Variants in PCDHGA9 observed in about 807,000 individuals in gnomAD.
PCDHGA9 encodes the protein protocadherin gamma-A9.
Under a neutral mutation model 62.5 loss-of-function variants are expected in PCDHGA9, and 37 were observed. The ratio of observed to expected loss-of-function variants is 0.59; its 90% CI spans 0.46 to 0.78. PCDHGA9 has a LOEUF of 0.78. PCDHGA9 is among the 30% of genes least tolerant of loss of function. The probability of loss-of-function intolerance (pLI) is 0.00; values close to 1 mark genes in which losing one functional copy is unlikely to be tolerated. For synonymous variants in PCDHGA9, 459 were observed against 484.6 expected, an observed-to-expected ratio of 0.95 and a Z score of 0.69; for missense variants, 1,138 against 1,166.2, an observed-to-expected ratio of 0.98 and a Z score of 0.35.
intron 1 of PCDHGA9, among the ~76,000 whole-genome samples, chr5:141,473,431 G>C (rs541546681): frequency 6.6e-6 from 1 of 152,148 alleles, no homozygotes; most frequent in South Asian, 2.1e-4. Context: ...CAGATACTTT[G>C]CTTATGCAAA....
chr5:141,439,531 G>T (rs1474855779), intron 1 of PCDHGA9, among the ~76,000 whole-genome samples: 1 of 152,126 alleles, frequency 6.6e-6, no homozygotes, highest in Non-Finnish European at 1.5e-5. Context: ...TCTACAGAAC[G>T]CTGTCCTCTC....
At chr5:141,461,291 C>A (rs892436619) in intron 1 of PCDHGA9, among the ~76,000 whole-genome samples, 1 of 152,128 alleles carries the variant, frequency 6.6e-6, no homozygotes, top group African/African-American at 2.4e-5. Flanking sequence ...CACATCCACA[C>A]CAACATCTAT....
At chr5:141,410,665 G>C (rs372651223) in intron 1 of PCDHGA9, 9 of 1,569,394 alleles carry the variant, frequency 5.7e-6, no homozygotes, top group Non-Finnish European at 7.7e-6. Flanking sequence ...TAGTCTACTA[G>C]TTTCTCATAT....
At chr5:141,433,358 CCTATCTATCTATCTATCTAT>C (rs3074541) in intron 1 of PCDHGA9, 19 of 503,934 alleles carry the variant, frequency 3.8e-5, no homozygotes, top group South Asian at 2.3e-4. Flanking sequence ...CTACTGTCTG[CCTATCTATCTATCTATCTAT>C]CTATCTATCT....
chr5:141,403,046 C>T lies in PCDHGA9; in HGVS notation c.94C>T (p.Arg32Cys). The stretch of plus-strand genomic sequence containing the variant: ...ATGGGAGGCCAGGGCCAGTCAGATT[C>T]GCTACTCAGTGCCTGAAGAGACAGA... The part of the protein sequence containing the change: ...MLWEARASQI[R>C]YSVPEETEKG... The change falls in exon 1 of 4, where the codon CGC (arginine) becomes TGC (cysteine). Residue 32 changes from arginine to cysteine, a missense_variant. Arg to Cys is a radical substitution (Grantham distance 180). Transcript: ENST00000573521. The T allele has an allele frequency of 6.2e-7, 1 of 1,614,056 alleles. No homozygotes were observed. Among genetic ancestry groups the T allele is most frequent in the Non-Finnish European group, 8.5e-7 (1 of 1,179,900 alleles).
intron 1 of PCDHGA9, chr5:141,427,595 C>A: frequency 1.5e-6 from 1 of 681,870 alleles, no homozygotes; most frequent in Non-Finnish European, 2.7e-6. Flanking sequence ...CAAGCCTCAC[C>A]CTACGCATTG....
In PCDHGA9 at chr5:141,403,465, G is replaced by A; in HGVS notation, c.513G>A (p.Gln171=). 6.2e-7 allele frequency: 1 copy of A among 1,614,018 alleles called. No individual in the cohort carries two copies. The highest frequency in any genetic ancestry group is 8.5e-7 in the Non-Finnish European group (1 of 1,179,904). ...DVGVNSLQSY[Q]LSPNHHFSLN... ...GCGTGAACTCCCTCCAGAGCTACCA[G>A]CTCAGCCCCAATCACCACTTCTCCC... is the stretch of plus-strand genomic sequence containing the variant. The change falls in exon 1 of 4, where the codon CAG becomes CAA. Residue 171 remains glutamine (Q), a synonymous_variant. Transcript: ENST00000573521.
rs1051300319 is a variant in PCDHGA9 at position 141,491,957 on chromosome 5, A to T, written c.2425-2850A>T. ...GACCGACCCCCACCCCTACACTCAA[A>T]AAAGGCCGGGGCCTCCTTCGAGCTT... is the stretch of plus-strand genomic sequence containing the variant. On this transcript the variant is annotated intron_variant, in intron 1 of 3. Coordinates refer to ENST00000573521, the MANE Select transcript of PCDHGA9 (RefSeq NM_018921.3). The surrounding 1 kb of genome is among the most constrained non-coding windows in gnomAD (Gnocchi z 6.9). 3.6e-5 allele frequency: 37 copies of T among 1,020,096 alleles called. No individual in the cohort carries two copies. The highest frequency in any genetic ancestry group is 5.0e-5 in the Non-Finnish European group (37 of 736,248). The allele number at this position is 1,020,096 out of a possible 1,614,324, so 63.2% of individuals were successfully genotyped here.
chr5:141,408,112 C>T, intron 1 of PCDHGA9: 1 of 1,460,448 alleles, frequency 6.8e-7, no homozygotes, highest in African/African-American at 1.4e-5. Flanking sequence ...CCCGGGACTC[C>T]TCCTGTCCTG....
chr5:141,454,932 C>G (rs945154196), intron 1 of PCDHGA9, among the ~76,000 whole-genome samples: 7 of 150,770 alleles, frequency 4.6e-5, no homozygotes, highest in Non-Finnish European at 1.0e-4. Context: ...CTCAGCCTCC[C>G]GAGTAGCTGG....
At chr5:141,438,591 C>CATACATAT (rs1228520343) in intron 1 of PCDHGA9, among the ~76,000 whole-genome samples, 2 of 75,562 alleles carry the variant, frequency 2.6e-5, no homozygotes, top group African/African-American at 4.5e-5. Context: ...TACATACATA[C>CATACATAT]ATATATATAT....
chr5:141,426,817 C>G (rs942714141), intron 1 of PCDHGA9: 4 of 456,594 alleles, frequency 8.8e-6, no homozygotes, highest in Non-Finnish European at 1.8e-5. Flanking sequence ...GAACATTTCT[C>G]TCTGATGATG....
At chr5:141,420,024 C>T (rs2096459407) in intron 1 of PCDHGA9, 1 of 1,614,088 alleles carries the variant, frequency 6.2e-7, no homozygotes, top group Non-Finnish European at 8.5e-7. Context: ...TTCAGCCCTA[C>T]TGCAGGAGAC....
At chr5:141,479,242 A>G (rs2099491093) in intron 1 of PCDHGA9, 1 of 152,320 alleles carries the variant, frequency 6.6e-6, no homozygotes, top group African/African-American at 2.4e-5. Context: ...AAACCCAAAG[A>G]TAACCATTTT....
At chr5:141,419,665 C>T in intron 1 of PCDHGA9, 1 of 1,612,860 alleles carries the variant, frequency 6.2e-7, no homozygotes, top group East Asian at 2.2e-5. Flanking sequence ...GGCACAATGC[C>T]TGGCTGTCCT....
chr5:141,497,957 A>G (rs2099780682), intron 2 of PCDHGA9, among the ~76,000 whole-genome samples: 1 of 152,242 alleles, frequency 6.6e-6, no homozygotes, highest in Non-Finnish European at 1.5e-5. Flanking sequence ...TCTGTTGGCC[A>G]GGCAGTGTTC....
Position 141,477,662 on chromosome 5 carries a change from A to G in PCDHGA9, c.2425-17145A>G. On this transcript the variant is annotated intron_variant, in intron 1 of 3. Transcript: ENST00000573521. The surrounding 1 kb of genome is among the most constrained non-coding windows in gnomAD (Gnocchi z 4.9). ...TCGCTATTTCACAATAAATCGTGAC[A>G]ATGGCATAGTGTCATCCTTAGTGCC... The G allele has an allele frequency of 6.2e-7, 1 of 1,614,222 alleles. No individual in the cohort carries two copies.
chr5:141,419,084 GC>G (rs1218012099), intron 1 of PCDHGA9: 1 of 1,613,802 alleles, frequency 6.2e-7, no homozygotes, highest in African/African-American at 1.3e-5. Flanking sequence ...AACAGATGAG[GC>G]CCTGGATCGG....
At chr5:141,505,306 T>C in intron 2 of PCDHGA9, 87 bp from the exon 3 acceptor site, 4 of 1,596,550 alleles carry the variant, frequency 2.5e-6, no homozygotes, top group Non-Finnish European at 3.4e-6. Context: ...GTTAGGGTAC[T>C]AGGTTTGGGA....
Sources: allele counts gnomAD v4.1 joint callset (sites outside exome capture counted in the v4.1 genomes callset), GRCh38; gene constraint gnomAD v4.1.1; non-coding constraint Gnocchi (gnomAD v3.1); transcripts MANE v1.5; gene names NCBI Gene and HGNC (gene_info 2026-07-23, HGNC 2026-07-21).